The following GBE1 variants were observed in gnomAD, a reference collection of about 807,000 sequenced individuals.
GBE1 encodes the protein 1,4-alpha-glucan-branching enzyme.
Under a neutral mutation model 88.8 loss-of-function variants are expected in GBE1, and 70 were observed. That is an observed-to-expected ratio of 0.79 (90% CI 0.65 to 0.96). The LOEUF is 0.96. GBE1 is among the 40% of genes least tolerant of loss of function. GBE1 has a pLI of 0.00. For missense variants in GBE1, 872 were observed against 871.0 expected (o/e 1.00, Z -0.01); for synonymous variants, 284 against 300.1 (o/e 0.95, Z 0.56).
chr3:81,588,744 C>T (rs1403693303), intron 9 of GBE1, among the ~76,000 whole-genome samples: 1 of 152,134 alleles, frequency 6.6e-6, no homozygotes, highest in Non-Finnish European at 1.5e-5. Context: ...TGTTTTCTTA[C>T]ACATTGTTAC....
chr3:81,572,386 A>G lies in GBE1; in HGVS notation c.1618+5539T>C, dbSNP rs151009880. Among the ~76,000 whole-genome samples, 19 of 152,344 alleles carry G rather than the reference A, an allele frequency of 1.2e-4. No homozygotes were observed. The East Asian group carries it at 3.5e-3, about 28-fold the overall frequency. ...TCCTTACTATTGCCCAATGTAGTAT[A>G]AAGTTACAAAGATCTTTCTGAGAAG... On this transcript the variant is annotated intron_variant, in intron 12 of 15. Coordinates refer to ENST00000429644, the MANE Select transcript of GBE1 (RefSeq NM_000158.4).
At chr3:81,701,492 A>G (rs1705684797) in intron 2 of GBE1, among the ~76,000 whole-genome samples, 1 of 152,032 alleles carries the variant, frequency 6.6e-6, no homozygotes, top group African/African-American at 2.4e-5. Context: ...AATAAATAAA[A>G]AGACCTTTGC....
At chr3:81,532,435 A>T (rs1308731459) in intron 14 of GBE1, among the ~76,000 whole-genome samples, 2 of 152,024 alleles carry the variant, frequency 1.3e-5, no homozygotes, top group East Asian at 3.9e-4. Flanking sequence ...TCCATGTTCA[A>T]ACAGATTCTG....
rs1329289594 is a variant in GBE1, at chr3:81,646,481, T to G, written c.693A>C (p.Gly231=). Reference sequence around the variant, plus strand: ...TTGCCATCAACTGAATGCAGTTGTATCCTATATAAGGCAATGGTCAAATCT... The same window carrying G: ...TTGCCATCAACTGAATGCAGTTGTAGCCTATATAAGGCAATGGTCAAATCT... ...CNVLPRIKGL[G]YNCIQLMAIM... is the part of the protein sequence containing the mutation. Residue 231 remains glycine, a splice_region_variant and synonymous_variant, in exon 6 of 16, where the codon GGA becomes GGC. Coordinates refer to ENST00000429644, the MANE Select transcript of GBE1 (RefSeq NM_000158.4). The G allele has an allele frequency of 6.4e-7, 1 of 1,561,914 alleles. No individual in the cohort carries two copies. Among genetic ancestry groups the G allele is most frequent in the Admixed American group, 1.8e-5 (1 of 56,568 alleles).
At chr3:81,750,644 TG>T (rs1706508312) in intron 1 of GBE1, among the ~76,000 whole-genome samples, 1 of 50,916 alleles carries the variant, frequency 2.0e-5, no homozygotes. Flanking sequence ...TATATATATA[TG>T]TATATATATA....
chr3:81,646,597 T>A (rs1704767508), intron 5 of GBE1, 115 bp from the exon 6 acceptor site: 1 of 632,488 alleles, frequency 1.6e-6, no homozygotes, highest in African/African-American at 1.9e-5. Flanking sequence ...TCTAGAAGCT[T>A]TGGTCGTCTT....
chr3:81,493,502 T>C (rs1165731366), intron 15 of GBE1, among the ~76,000 whole-genome samples: 1 of 152,112 alleles, frequency 6.6e-6, no homozygotes, highest in Non-Finnish European at 1.5e-5. Flanking sequence ...TTTGGCATTT[T>C]AGCTTGTCTA....
At chr3:81,542,097 C>T (rs1703150901) in intron 12 of GBE1, among the ~76,000 whole-genome samples, 1 of 152,004 alleles carries the variant, frequency 6.6e-6, no homozygotes, top group African/African-American at 2.4e-5. Flanking sequence ...GATACCTATA[C>T]ATACATTCAT....
intron 7 of GBE1, among the ~76,000 whole-genome samples, chr3:81,628,969 T>C (rs1380311449): frequency 6.8e-6 from 1 of 147,588 alleles, no homozygotes; most frequent in Admixed American, 6.8e-5. Flanking sequence ...GGTAGTTGTA[T>C]AAAACAATTC....
intron 12 of GBE1, among the ~76,000 whole-genome samples, chr3:81,556,378 G>T (rs1238686920): frequency 6.6e-6 from 1 of 151,678 alleles, no homozygotes; most frequent in East Asian, 1.9e-4. Context: ...TAAGAATCCA[G>T]AATTATGGCA....
At chr3:81,507,194 C>A (rs1702666050) in intron 14 of GBE1, among the ~76,000 whole-genome samples, 1 of 151,438 alleles carries the variant, frequency 6.6e-6, no homozygotes. Context: ...TTTAATCTCC[C>A]TGACTTTAGC....
chr3:81,523,363 G>C (rs1702898896), intron 14 of GBE1, among the ~76,000 whole-genome samples: 1 of 151,294 alleles, frequency 6.6e-6, no homozygotes, highest in South Asian at 2.1e-4. Flanking sequence ...AAATTGTTAT[G>C]GGTATATAGT....
chr3:81,689,209 GAT>G (rs1705483761), intron 2 of GBE1, among the ~76,000 whole-genome samples: 1 of 152,196 alleles, frequency 6.6e-6, no homozygotes, highest in Non-Finnish European at 1.5e-5. Flanking sequence ...ATGTCATGCT[GAT>G]ACAGGCATAA....
chr3:81,523,903 T>C (rs1281704059), intron 14 of GBE1, among the ~76,000 whole-genome samples: 5 of 151,872 alleles, frequency 3.3e-5, no homozygotes, highest in African/African-American at 1.2e-4. Flanking sequence ...CGTGTACTGA[T>C]GGACACTTAG....
At chr3:81,658,062 G>C (rs1300850006) in intron 3 of GBE1, among the ~76,000 whole-genome samples, 1 of 152,030 alleles carries the variant, frequency 6.6e-6, no homozygotes, top group East Asian at 1.9e-4. Context: ...AATTTCACTA[G>C]ATACCATTAT....
At chr3:81,756,486 G>C (rs1706603327) in intron 1 of GBE1, among the ~76,000 whole-genome samples, 1 of 152,152 alleles carries the variant, frequency 6.6e-6, no homozygotes, top group Admixed American at 6.5e-5. Context: ...TACAGACTGA[G>C]GAATACAACA....
intron 1 of GBE1, among the ~76,000 whole-genome samples, chr3:81,755,645 A>C (rs991616012): frequency 6.6e-6 from 1 of 152,202 alleles, no homozygotes; most frequent in African/African-American, 2.4e-5. Flanking sequence ...CAACCATAAA[A>C]ATTAATGAAA....
intron 1 of GBE1, among the ~76,000 whole-genome samples, chr3:81,722,319 C>T (rs993674108): frequency 6.6e-6 from 1 of 151,786 alleles, no homozygotes; most frequent in South Asian, 2.1e-4. Flanking sequence ...AAAGGGTTGC[C>T]CATTTAATTA....
At chr3:81,673,010 A>C (rs1457752526) in intron 2 of GBE1, among the ~76,000 whole-genome samples, 1 of 151,910 alleles carries the variant, frequency 6.6e-6, no homozygotes, top group East Asian at 1.9e-4. Flanking sequence ...CAACCTGAAA[A>C]TGTCTAACAG....
Sources: gnomAD v4.1 joint callset for allele counts (sites outside exome capture counted in the v4.1 genomes callset) on GRCh38, gnomAD v4.1.1 for gene constraint, MANE v1.5 for transcripts, NCBI Gene and HGNC (gene_info 2026-07-23, HGNC 2026-07-21) for gene names.